ASTN1: variants seen among roughly 807,000 people sequenced by gnomAD.
ASTN1 encodes astrotactin-1.
A neutral mutation model predicts 140.7 loss-of-function variants in ASTN1; 41 were observed. The observed-to-expected ratio is 0.29, with a 90% CI of 0.23 to 0.38. ASTN1 has a LOEUF of 0.38. Ranked by LOEUF, ASTN1 falls within the 10% of genes least tolerant of loss-of-function variation. ASTN1 has a pLI of 1.00. For missense variants in ASTN1, 1,479 were observed against 1,678.8 expected (o/e 0.88, Z 2.08); for synonymous variants, 640 against 652.2 (o/e 0.98, Z 0.29).
chr1:176,908,241 C>G (rs769302081), intron 16 of ASTN1, among the ~76,000 whole-genome samples: 5 of 152,136 alleles, frequency 3.3e-5, no homozygotes, highest in Non-Finnish European at 5.9e-5. Flanking sequence ...AGCAAACAGA[C>G]AGCCAGGCAG....
intron 1 of ASTN1, among the ~76,000 whole-genome samples, chr1:177,154,274 T>C (rs943535215): frequency 6.6e-6 from 1 of 152,204 alleles, no homozygotes; most frequent in African/African-American, 2.4e-5. Flanking sequence ...ATTTGTGTTG[T>C]CCAATAAACC....
intron 20 of ASTN1, among the ~76,000 whole-genome samples, chr1:176,877,705 A>T (rs1044438748): frequency 6.6e-6 from 1 of 152,186 alleles, no homozygotes; most frequent in African/African-American, 2.4e-5. Context: ...CAGTCGGTCT[A>T]AAGAAAATCA....
In ASTN1 at chr1:177,012,702, G is replaced by C. The variant is rs144559209; in HGVS notation, c.1523+2089C>G. ...CATACAGCCAGAGGGAATGATGAAG[G>C]CTTATGCAATTATCAAGTGAAGTCA... On this transcript the variant is annotated intron_variant, in intron 8 of 22. Coordinates refer to ENST00000361833, the MANE Select transcript of ASTN1 (RefSeq NM_004319.3). 2.8e-3 allele frequency among the ~76,000 whole-genome samples: 430 copies of C among 152,274 alleles called. 2 individuals carry two copies. The highest frequency in any genetic ancestry group is 9.7e-3 in the African/African-American group (403 of 41,550).
chr1:176,970,620 CAGAT>C lies in ASTN1; in HGVS notation c.1524-5387_1524-5384del, dbSNP rs934229115. Among the ~76,000 whole-genome samples, 113 of 151,458 alleles carry C rather than the reference CAGAT, an allele frequency of 7.5e-4. 1 individual carries two copies. In the Middle Eastern group the frequency reaches 0.01, roughly 14 times the overall value. ...ATAGATAGATAGACAGACAGACAGA[CAGAT>C]AGATAGATAAAAGAAAGCAAGAAAG... On this transcript the variant is annotated intron_variant, in intron 8 of 22. Coordinates refer to ENST00000361833, the MANE Select transcript of ASTN1 (RefSeq NM_004319.3).
At chr1:177,023,834 G>A (rs1300261563) in intron 6 of ASTN1, among the ~76,000 whole-genome samples, 2 of 152,160 alleles carry the variant, frequency 1.3e-5, no homozygotes, top group African/African-American at 2.4e-5. Context: ...TTTCCAGGGA[G>A]TTCCTAAGGA....
Position 177,015,022 on chromosome 1 carries a change from TA to T in ASTN1, c.1439-148del, listed in dbSNP as rs1402198844. 26 of 663,524 alleles carry T rather than the reference TA, an allele frequency of 3.9e-5. No individual in the cohort carries two copies. In the East Asian group the frequency reaches 6.7e-4, roughly 17 times the overall value. 41.1% of individuals were successfully genotyped at this position (663,524 alleles called of 1,614,324 possible). ...AGACAGTAAGTTCCATTATGTCATA[TA>T]CTCCCCTCTCCACCACTCACATAAA... On this transcript the variant is annotated intron_variant, in intron 7 of 22. Coordinates refer to ENST00000361833, the MANE Select transcript of ASTN1 (RefSeq NM_004319.3).
chr1:176,960,105 C>G (rs772254106), intron 9 of ASTN1, among the ~76,000 whole-genome samples: 4 of 152,130 alleles, frequency 2.6e-5, no homozygotes, highest in Non-Finnish European at 5.9e-5. Flanking sequence ...GGAGCCCATT[C>G]AGGGCTGATT....
chr1:177,061,333 G>T, intron 1 of ASTN1, 68 bp from the exon 2 acceptor site: 4 of 1,388,792 alleles, frequency 2.9e-6, no homozygotes, highest in East Asian at 5.1e-5. Context: ...CTTCTTCCTC[G>T]CCACTTGTAC....
At chr1:177,087,832 G>A (rs1267317520) in intron 1 of ASTN1, among the ~76,000 whole-genome samples, 2 of 152,190 alleles carry the variant, frequency 1.3e-5, no homozygotes, top group Non-Finnish European at 2.9e-5. Context: ...CGTCCCCGCT[G>A]CTGCTGTTAG....
In ASTN1 at chr1:177,030,849, G is replaced by A. The variant is rs372482336; in HGVS notation, c.969C>T (p.His323=). 5 of 1,614,184 alleles carry A rather than the reference G, an allele frequency of 3.1e-6. No homozygotes were observed. In the Admixed American group the frequency reaches 6.7e-5, roughly 22 times the overall value. ...TCCGCTTTCTCTGGCTGCTGGAGGTGTGAGAGAGAAGGGTGGCTTGCTGGT... is the reference window on the plus strand; with the variant it reads ...TCCGCTTTCTCTGGCTGCTGGAGGTATGAGAGAGAAGGGTGGCTTGCTGGT... The part of the protein sequence containing the change: ...SNHQQATLLS[H]TSSSQRKRIN... Residue 323 remains histidine (H), a synonymous_variant, in exon 4 of 23, where the codon CAC becomes CAT. Coordinates refer to ENST00000361833, the MANE Select transcript of ASTN1 (RefSeq NM_004319.3).
At chr1:177,088,455 C>G (rs901540042) in intron 1 of ASTN1, among the ~76,000 whole-genome samples, 1 of 152,182 alleles carries the variant, frequency 6.6e-6, no homozygotes. Context: ...CCCTGACATT[C>G]ACCATGTGCC....
intron 16 of ASTN1, among the ~76,000 whole-genome samples, chr1:176,919,132 A>C (rs1670625066): frequency 1.3e-5 from 2 of 152,094 alleles, no homozygotes; most frequent in South Asian, 4.2e-4. Context: ...TTTCTTTTTA[A>C]TATTCTGTCT....
chr1:176,868,984 A>C lies in ASTN1; in HGVS notation c.3507T>G (p.Ser1169Arg), dbSNP rs1397212018. The change falls in exon 22 of 23, where the codon AGT becomes AGG. Residue 1169 changes from serine (S) to arginine (R), a missense_variant. Ser to Arg is a moderately radical substitution (Grantham distance 110). Around this residue, in one of 3 missense-constraint regions of ASTN1, gnomAD observed 746 missense variants for 800.9 expected, o/e 0.93. Coordinates refer to ENST00000361833, the MANE Select transcript of ASTN1 (RefSeq NM_004319.3). The part of the protein sequence containing the change: ...KIYNLFNGYT[S>R]GKEQQTAYNT... ...TGTAGGCGGTCTGCTGCTCCTTCCCACTAGTGTAGCCATTGAAGAGATTGT... is the reference window on the plus strand; with the variant it reads ...TGTAGGCGGTCTGCTGCTCCTTCCCCCTAGTGTAGCCATTGAAGAGATTGT... 1.2e-6 allele frequency: 2 copies of C among 1,610,364 alleles called. No homozygotes were observed. Among genetic ancestry groups the C allele is most frequent in the Admixed American group, 3.3e-5 (2 of 59,870 alleles).
intron 8 of ASTN1, among the ~76,000 whole-genome samples, chr1:176,992,199 G>A (rs1674215138): frequency 6.6e-6 from 1 of 152,156 alleles, no homozygotes; most frequent in Non-Finnish European, 1.5e-5. Flanking sequence ...TAAAGTGTAA[G>A]TAAAGTTCTT....
rs182150492 is a variant in ASTN1, at chr1:177,091,854, C to T, written c.284-30589G>A. The stretch of plus-strand genomic sequence containing the variant: ...TTTATGATTCATACATGTTGTAGCA[C>T]GTATCGGCACTTCACTTTTATGGCC... On this transcript the variant is annotated intron_variant, in intron 1 of 22. Transcript: ENST00000361833. Among the ~76,000 whole-genome samples the T allele has an allele frequency of 5.9e-5, 9 of 152,186 alleles. No homozygotes were observed. The South Asian group carries it at 6.2e-4, about 11-fold the overall frequency.
At chr1:176,985,134 A>C (rs1162037270) in intron 8 of ASTN1, among the ~76,000 whole-genome samples, 1 of 152,178 alleles carries the variant, frequency 6.6e-6, no homozygotes, top group African/African-American at 2.4e-5. Flanking sequence ...GGGAGAAGTC[A>C]CCTGTTCCGT....
At chr1:176,964,377 G>A (rs1022990922) in intron 9 of ASTN1, among the ~76,000 whole-genome samples, 1 of 152,156 alleles carries the variant, frequency 6.6e-6, no homozygotes, top group African/African-American at 2.4e-5. Context: ...CGCCCATACT[G>A]TCAAGCCAAG....
chr1:176,859,941 A>G (rs762528492), downstream of ASTN1, among the ~76,000 whole-genome samples: 2 of 152,182 alleles, frequency 1.3e-5, no homozygotes, highest in African/African-American at 2.4e-5. Context: ...GTGGTATGCA[A>G]CTAGGATACC....
At chr1:177,124,776 C>T (rs941668815) in intron 1 of ASTN1, among the ~76,000 whole-genome samples, 3 of 152,164 alleles carry the variant, frequency 2.0e-5, no homozygotes, top group African/African-American at 7.2e-5. Flanking sequence ...TAAGTTAGCA[C>T]CACTAAAAGG....
Sources: allele counts gnomAD v4.1 joint callset (sites outside exome capture counted in the v4.1 genomes callset), GRCh38; gene constraint gnomAD v4.1.1; regional missense constraint gnomAD v4.1.1; transcripts MANE v1.5; gene names NCBI Gene and HGNC (gene_info 2026-07-23, HGNC 2026-07-21).